SOX6: variants seen among roughly 807,000 people sequenced by gnomAD.
The protein encoded by SOX6 is SRY-box transcription factor 6, also known as transcription factor SOX-6.
SOX6 carries 11 observed loss-of-function variants against 97.8 expected under a neutral mutation model. The ratio of observed to expected loss-of-function variants is 0.11; its 90% CI spans 0.07 to 0.19. The LOEUF is 0.19. Ranked by LOEUF, SOX6 falls within the 10% of genes least tolerant of loss-of-function variation. The pLI, the probability that SOX6 is intolerant of heterozygous loss-of-function variation, is 1.00. For missense variants in SOX6, 810 were observed against 1,039.5 expected (o/e 0.78, Z 3.04); for synonymous variants, 360 against 371.4 (o/e 0.97, Z 0.35).
intron 1 of SOX6, among the ~76,000 whole-genome samples, chr11:16,418,130 C>A (rs748079557): frequency 1.3e-5 from 2 of 152,110 alleles, no homozygotes; most frequent in Non-Finnish European, 1.5e-5. Context: ...TTTGCCTTCA[C>A]CTTACAGTAC....
rs1204472173 is a variant in SOX6, at chr11:15,966,451, A to T, written c.*6358T>A. ...ACAGACAAGGCCATACACAGAGGTC[A>T]TAAAACAAAATTTATCTTTAATTTG... is the stretch of plus-strand genomic sequence containing the variant. On this transcript the variant is annotated 3_prime_UTR_variant, in exon 16 of 16. Coordinates refer to ENST00000683767, the MANE Select transcript of SOX6 (RefSeq NM_001367873.1). 1 of 152,284 alleles carries T rather than the reference A, an allele frequency of 6.6e-6. No homozygotes were observed. Among genetic ancestry groups the T allele is most frequent in the Non-Finnish European group, 1.5e-5 (1 of 68,092 alleles). The allele number at this position is 152,284 out of a possible 1,614,324, so 9.4% of individuals were successfully genotyped here. A position where few individuals can be genotyped will look rare whatever the true frequency, so the allele number is the denominator to read the frequency against.
At chr11:16,718,432 G>T (rs1475820057) in intron 2 of SOX6, among the ~76,000 whole-genome samples, 4 of 152,114 alleles carry the variant, frequency 2.6e-5, no homozygotes, top group African/African-American at 9.7e-5. Context: ...CATGTCACCT[G>T]CAAAGTTATT....
intron 6 of SOX6, among the ~76,000 whole-genome samples, chr11:16,119,504 C>T (rs1218859907): frequency 1.3e-5 from 2 of 152,304 alleles, no homozygotes; most frequent in Non-Finnish European, 2.9e-5. Flanking sequence ...TTGCTGTTCA[C>T]TAATTCACAA....
intron 6 of SOX6, among the ~76,000 whole-genome samples, chr11:16,131,625 T>C (rs1849741405): frequency 6.6e-6 from 1 of 150,528 alleles, no homozygotes; most frequent in Non-Finnish European, 1.5e-5. Context: ...TATGTCTGCA[T>C]AGACTTGCAA....
chr11:16,444,156 G>A (rs1037416001), intron 1 of SOX6, among the ~76,000 whole-genome samples: 1 of 151,660 alleles, frequency 6.6e-6, no homozygotes, highest in African/African-American at 2.4e-5. Flanking sequence ...AGTTGTTTTA[G>A]TATATCATTT....
intron 15 of SOX6, 24 bp downstream of exon 15, chr11:15,986,180 G>A: frequency 6.2e-7 from 1 of 1,605,752 alleles, no homozygotes; most frequent in Non-Finnish European, 8.5e-7. Context: ...TAAAGCCCAG[G>A]TGGCTAAATT....
chr11:16,406,517 G>A (rs1391127112), intron 1 of SOX6, among the ~76,000 whole-genome samples: 1 of 152,076 alleles, frequency 6.6e-6, no homozygotes, highest in Non-Finnish European at 1.5e-5. Context: ...GCTAGTCCAG[G>A]ATTGTTCTTC....
chr11:16,309,999 T>A (rs1255154686), intron 3 of SOX6, among the ~76,000 whole-genome samples: 2 of 152,072 alleles, frequency 1.3e-5, no homozygotes, highest in Non-Finnish European at 2.9e-5. Context: ...GCTCCACAGT[T>A]CAATAACAGG....
At chr11:16,229,736 T>C (rs891906602) in intron 4 of SOX6, among the ~76,000 whole-genome samples, 36 of 151,782 alleles carry the variant, frequency 2.4e-4, no homozygotes, top group Non-Finnish European at 3.7e-4. Flanking sequence ...CAAAACTGAC[T>C]TAAAAGAAAA....
At chr11:15,988,837 G>C (rs912557231) in intron 14 of SOX6, among the ~76,000 whole-genome samples, 160 bp downstream of exon 14, 1 of 152,238 alleles carries the variant, frequency 6.6e-6, no homozygotes, top group East Asian at 1.9e-4. Context: ...GGAGGCAGAC[G>C]TGATGACGAA....
At chr11:16,362,790 C>T (rs902035916) in intron 1 of SOX6, among the ~76,000 whole-genome samples, 2 of 152,108 alleles carry the variant, frequency 1.3e-5, no homozygotes, top group African/African-American at 4.8e-5. Context: ...TCAATAAGCA[C>T]GTCTACTCTT....
chr11:16,727,113 T>C (rs1288693802), intron 2 of SOX6, among the ~76,000 whole-genome samples: 1 of 151,902 alleles, frequency 6.6e-6, no homozygotes, highest in Non-Finnish European at 1.5e-5. Flanking sequence ...ACCTCCTTGC[T>C]ACCAGTACAC....
intron 13 of SOX6, among the ~76,000 whole-genome samples, chr11:16,002,435 T>G (rs989212259): frequency 6.6e-6 from 1 of 152,160 alleles, no homozygotes; most frequent in Non-Finnish European, 1.5e-5. Flanking sequence ...TTTACACAGA[T>G]AGCTAAACAG....
At chr11:16,353,170 A>G (rs1473901082) in intron 1 of SOX6, among the ~76,000 whole-genome samples, 33 of 152,190 alleles carry the variant, frequency 2.2e-4, no homozygotes, top group Admixed American at 1.7e-3. Context: ...ATCTCTGACC[A>G]GAGAAACCAC....
chr11:16,392,864 G>T (rs909301908), intron 1 of SOX6, among the ~76,000 whole-genome samples: 1 of 152,012 alleles, frequency 6.6e-6, no homozygotes, highest in African/African-American at 2.4e-5. Context: ...ATATATGTTT[G>T]TCCCTTAAGT....
At position 16,183,901 on chromosome 11, in the gene SOX6, C is replaced by T; in HGVS notation, c.762G>A (p.Leu254=). Reference sequence around the variant, plus strand: ...ATACACTGACCTGGATCTGTTGCTGCAGGAGATTAATTTTGTGCTGCTGTT... The same window carrying T: ...ATACACTGACCTGGATCTGTTGCTGTAGGAGATTAATTTTGTGCTGCTGTT... ...LLQQQHKINL[L]QQQIQVQGHM... is the part of the protein sequence containing the mutation. The change falls in exon 6 of 16, where the codon CTG becomes CTA. Residue 254 remains leucine, a synonymous_variant. Coordinates refer to ENST00000683767, the MANE Select transcript of SOX6 (RefSeq NM_001367873.1). 1.9e-6 allele frequency: 3 copies of T among 1,612,308 alleles called. No individual in the cohort carries two copies. Among genetic ancestry groups the T allele is most frequent in the Non-Finnish European group, 1.7e-6 (2 of 1,178,728 alleles).
Position 16,620,692 on chromosome 11 carries a change from T to C in SOX6, n.430-8432A>G, listed in dbSNP as rs552525885. Among the ~76,000 whole-genome samples the C allele has an allele frequency of 5.9e-5, 9 of 152,334 alleles. 1 individual carries two copies. The South Asian group carries it at 1.9e-3, about 32-fold the overall frequency. ...GTGATCATATATAATTATTTTACCTTGTAGTCTTTTGACCCAGAATTTCAG... is the reference window on the plus strand; with the variant it reads ...GTGATCATATATAATTATTTTACCTCGTAGTCTTTTGACCCAGAATTTCAG... On this transcript the variant is annotated intron_variant and non_coding_transcript_variant, in intron 3 of 5. Transcript: ENST00000524520.
intron 9 of SOX6, among the ~76,000 whole-genome samples, chr11:16,090,242 T>C (rs889318817): frequency 7.2e-5 from 11 of 152,072 alleles, no homozygotes; most frequent in Non-Finnish European, 1.6e-4. Context: ...GAGGACTACA[T>C]TGGTTTTGAG....
intron 3 of SOX6, among the ~76,000 whole-genome samples, chr11:16,661,202 T>C (rs575637750): frequency 6.6e-6 from 1 of 152,366 alleles, no homozygotes; most frequent in Non-Finnish European, 1.5e-5. Context: ...GTCATGTTCT[T>C]CTTTATTCCT....
Sources: allele counts gnomAD v4.1 joint callset (sites outside exome capture counted in the v4.1 genomes callset), GRCh38; gene constraint gnomAD v4.1.1; transcripts MANE v1.5; gene names NCBI Gene and HGNC (gene_info 2026-07-23, HGNC 2026-07-21).